CRISPLD2: variants seen among roughly 807,000 people sequenced by gnomAD.
CRISPLD2 encodes the protein cysteine rich secretory protein LCCL domain containing 2, also known as cysteine-rich secretory protein LCCL domain-containing 2.
In CRISPLD2, 47 loss-of-function variants were observed where a neutral mutation model predicts 71.1. The ratio of observed to expected loss-of-function variants is 0.66; its 90% CI spans 0.52 to 0.84. CRISPLD2 has a LOEUF of 0.84. CRISPLD2 is among the 40% of genes least tolerant of loss of function. The probability of loss-of-function intolerance (pLI) is 0.00; values close to 1 mark genes in which losing one functional copy is unlikely to be tolerated. For synonymous variants in CRISPLD2, 317 were observed against 250.1 expected, an observed-to-expected ratio of 1.27 and a Z score of -2.52; for missense variants, 830 against 651.1, an observed-to-expected ratio of 1.27 and a Z score of -2.99.
intron 13 of CRISPLD2, among the ~76,000 whole-genome samples, chr16:84,882,844 G>T (rs1273722100): frequency 6.6e-6 from 1 of 152,244 alleles, no homozygotes; most frequent in Non-Finnish European, 1.5e-5. Flanking sequence ...CAGTGAGCAC[G>T]TGGCAAAGGT....
chr16:84,838,646 A>C lies in CRISPLD2; in HGVS notation c.151A>C (p.Ile51Leu). 6.2e-7 allele frequency: 1 copy of C among 1,614,240 alleles called. No homozygotes were observed. Among genetic ancestry groups the C allele is most frequent in the Non-Finnish European group, 8.5e-7 (1 of 1,180,036 alleles). Residue 51 changes from isoleucine to leucine, a missense_variant, in exon 2 of 15, where the codon ATC becomes CTC. Transcript: ENST00000262424. Reference protein sequence around the residue: ...NESHSRVRRAIPREDKEEILM... With the variant: ...NESHSRVRRALPREDKEEILM... ...GTCTCACTCCCGGGTCCGCAGAGCC[A>C]TCCCCAGGGAGGACAAGGAGGAGAT... is the stretch of plus-strand genomic sequence containing the variant.
At chr16:84,865,846 A>G (rs978612333) in intron 6 of CRISPLD2, among the ~76,000 whole-genome samples, 8 of 152,198 alleles carry the variant, frequency 5.3e-5, no homozygotes, top group African/African-American at 1.9e-4. Context: ...TATTAAGTGC[A>G]ATGTGTTTGG....
At chr16:84,888,782 T>C (rs530736410) in intron 13 of CRISPLD2, among the ~76,000 whole-genome samples, 1 of 152,350 alleles carries the variant, frequency 6.6e-6, no homozygotes, top group East Asian at 1.9e-4. Context: ...CTGTTTCCTT[T>C]ATGTCGTTCT....
At chr16:84,822,847 A>G (rs1204912289) in intron 1 of CRISPLD2, among the ~76,000 whole-genome samples, 1 of 152,204 alleles carries the variant, frequency 6.6e-6, no homozygotes, top group East Asian at 1.9e-4. Flanking sequence ...CTTTTTCCTG[A>G]AAAGATGTAT....
At chr16:84,878,701 GGGAACACA>G (rs1422350038) in intron 12 of CRISPLD2, among the ~76,000 whole-genome samples, 6 of 152,180 alleles carry the variant, frequency 3.9e-5, no homozygotes, top group Non-Finnish European at 8.8e-5. Context: ...CTCTTGGGAA[GGGAACACA>G]GGAACATCCT....
chr16:84,900,606 G>A (rs1007364409), intron 14 of CRISPLD2, among the ~76,000 whole-genome samples: 1 of 151,984 alleles, frequency 6.6e-6, no homozygotes, highest in Non-Finnish European at 1.5e-5. Flanking sequence ...GAGTCTGCAG[G>A]TGTTATCTTT....
intron 6 of CRISPLD2, among the ~76,000 whole-genome samples, chr16:84,858,652 G>A (rs1917304299): frequency 6.6e-6 from 1 of 152,234 alleles, no homozygotes; most frequent in South Asian, 2.1e-4. Context: ...TTGCAGAAGC[G>A]AAAGCAATCA....
chr16:84,852,902 C>T (rs774347086), intron 5 of CRISPLD2, among the ~76,000 whole-genome samples: 23 of 152,186 alleles, frequency 1.5e-4, no homozygotes, highest in East Asian at 5.8e-4. Flanking sequence ...CCCATCTCCA[C>T]GAAAAATACA....
At chr16:84,878,286 G>A (rs554979089) in intron 12 of CRISPLD2, among the ~76,000 whole-genome samples, 10 of 139,876 alleles carry the variant, frequency 7.1e-5, no homozygotes, top group East Asian at 3.9e-4. Flanking sequence ...ACCACCACCC[G>A]TCAAAGTGTA....
intron 5 of CRISPLD2, among the ~76,000 whole-genome samples, chr16:84,852,459 C>A (rs1053862891): frequency 6.6e-6 from 1 of 152,208 alleles, no homozygotes; most frequent in African/African-American, 2.4e-5. Context: ...CCCTGTACCC[C>A]CAAATGGTGT....
intron 1 of CRISPLD2, among the ~76,000 whole-genome samples, chr16:84,826,228 G>A (rs1916349088): frequency 6.6e-6 from 1 of 152,228 alleles, no homozygotes; most frequent in Non-Finnish European, 1.5e-5. Context: ...AAGAAGTCAC[G>A]AGTGACCTGG....
chr16:84,862,622 C>G (rs149347449), intron 6 of CRISPLD2, among the ~76,000 whole-genome samples: 1 of 150,310 alleles, frequency 6.7e-6, no homozygotes, highest in African/African-American at 2.5e-5. Flanking sequence ...GTTATGTCCC[C>G]GATGGGGCAT....
rs2071827352 is a variant in CRISPLD2, at chr16:84,908,758, T to C, written c.*2116T>C. 6.7e-6 allele frequency: 1 copy of C among 148,256 alleles called. No individual in the cohort carries two copies. The highest frequency in any genetic ancestry group is 6.9e-5 in the Admixed American group (1 of 14,530). The allele number at this position is 148,256 out of a possible 1,614,324, so 9.2% of individuals were successfully genotyped here. A position where few individuals can be genotyped will look rare whatever the true frequency, so the allele number is the denominator to read the frequency against. On this transcript the variant is annotated 3_prime_UTR_variant, in exon 15 of 15. Transcript: ENST00000262424. ...AGGTAGAGTGCAGTGGCGTGATCTC[T>C]GCTCATTGCAACTGCCGCCTCCCGG...
At chr16:84,829,296 C>T (rs1274984977) in intron 1 of CRISPLD2, 1 of 152,230 alleles carries the variant, frequency 6.6e-6, no homozygotes, top group Admixed American at 6.5e-5. Context: ...TTAAGGAAAA[C>T]TGCCAGGCTG....
chr16:84,837,804 G>A (rs142555830), intron 1 of CRISPLD2, among the ~76,000 whole-genome samples: 11 of 152,222 alleles, frequency 7.2e-5, no homozygotes, highest in Non-Finnish European at 1.3e-4. Context: ...ATAAACGACC[G>A]GCCTGTGTAG....
chr16:84,833,520 G>C (rs1238668562), intron 1 of CRISPLD2, among the ~76,000 whole-genome samples: 2 of 152,168 alleles, frequency 1.3e-5, no homozygotes, highest in African/African-American at 4.8e-5. Context: ...CCCTGCCTGG[G>C]AGCATCAGGG....
At chr16:84,883,783 C>G (rs1188852175) in intron 13 of CRISPLD2, among the ~76,000 whole-genome samples, 4 of 152,000 alleles carry the variant, frequency 2.6e-5, no homozygotes, top group Admixed American at 1.3e-4. Flanking sequence ...TTTGTCTTGA[C>G]TGACGCCTAC....
chr16:84,897,422 T>G (rs928989644), intron 14 of CRISPLD2, among the ~76,000 whole-genome samples: 4 of 152,116 alleles, frequency 2.6e-5, no homozygotes, highest in African/African-American at 9.6e-5. Flanking sequence ...ACCACTGCAC[T>G]CTAGCCTCGG....
At chr16:84,901,731 A>G (rs886108475) in intron 14 of CRISPLD2, among the ~76,000 whole-genome samples, 1 of 147,060 alleles carries the variant, frequency 6.8e-6, no homozygotes, top group African/African-American at 2.5e-5. Flanking sequence ...ACCTGCCTCA[A>G]CCTCTCAAAA....
Sources: allele counts gnomAD v4.1 joint callset (sites outside exome capture counted in the v4.1 genomes callset), GRCh38; gene constraint gnomAD v4.1.1; transcripts MANE v1.5; gene names NCBI Gene and HGNC (gene_info 2026-07-23, HGNC 2026-07-21).